DYSF: variants seen among roughly 807,000 people sequenced by gnomAD.
DYSF encodes dystrophy-associated fer-1-like 1.
In DYSF, 212 loss-of-function variants were observed where a neutral mutation model predicts 274.9. The observed-to-expected ratio is 0.77, with a 90% CI of 0.69 to 0.86. The LOEUF is 0.86. DYSF is among the 40% of genes least tolerant of loss of function. The pLI is 0.00. For synonymous variants in DYSF, 1,091 were observed against 1,078.7 expected (o/e 1.01, Z -0.22); for missense variants, 2,666 against 2,783.2 (o/e 0.96, Z 0.95).
intron 17 of DYSF, among the ~76,000 whole-genome samples, chr2:71,546,405 C>A (rs1453742912): frequency 1.3e-5 from 2 of 152,218 alleles, no homozygotes; most frequent in Admixed American, 6.5e-5. Flanking sequence ...GTTCAACTAG[C>A]AGTTTTTGTT....
intron 38 of DYSF, among the ~76,000 whole-genome samples, chr2:71,612,002 G>C (rs2093774071): frequency 6.6e-6 from 1 of 152,226 alleles, no homozygotes; most frequent in East Asian, 1.9e-4. Flanking sequence ...CCCAGCCTGG[G>C]CCCCCTCAAA....
intron 47 of DYSF, among the ~76,000 whole-genome samples, chr2:71,665,703 A>G (rs921972949): frequency 3.3e-5 from 5 of 152,140 alleles, no homozygotes; most frequent in African/African-American, 1.2e-4. Context: ...TTCTACTTGA[A>G]TTGCACCAGC....
chr2:71,493,851 C>CAAAAAAAAAAAAAAAAAAAAAA (rs145288384), intron 3 of DYSF, among the ~76,000 whole-genome samples: 32 of 69,208 alleles, frequency 4.6e-4, no homozygotes, highest in Non-Finnish European at 6.7e-4. Flanking sequence ...TACTCTGTCT[C>CAAAAAAAAAAAAAAAAAAAAAA]AAAAAAAAAA....
At position 71,552,999 on chromosome 2, in the gene DYSF, C is replaced by A; in HGVS notation, c.1807-12C>A. On this transcript the variant is annotated splice_polypyrimidine_tract_variant and intron_variant, in intron 19 of 55. Coordinates refer to ENST00000410020, the MANE Select transcript of DYSF (RefSeq NM_001130987.2). Reference sequence around the variant, plus strand: ...TCCTCCCGTGACCCTCTGGTCTACTCTCTGCTCTCAGAAGTACCTTAGGAG... The same window carrying A: ...TCCTCCCGTGACCCTCTGGTCTACTATCTGCTCTCAGAAGTACCTTAGGAG... 1 of 1,614,142 alleles carries A rather than the reference C, an allele frequency of 6.2e-7. No individual in the cohort carries two copies. Among genetic ancestry groups the A allele is most frequent in the South Asian group, 1.1e-5 (1 of 91,076 alleles).
At chr2:71,587,624 A>G (rs1463760420) in intron 30 of DYSF, among the ~76,000 whole-genome samples, 1 of 152,222 alleles carries the variant, frequency 6.6e-6, no homozygotes, top group Admixed American at 6.5e-5. Flanking sequence ...TAATCAAAGC[A>G]ACTCTCTAAA....
At chr2:71,620,708 G>T (rs187581958) in intron 41 of DYSF, 99 bp downstream of exon 41, 41 of 1,273,262 alleles carry the variant, frequency 3.2e-5, no homozygotes, top group Middle Eastern at 1.9e-4. Context: ...TGGGAGGGAA[G>T]AAAGGAGGTA....
intron 41 of DYSF, among the ~76,000 whole-genome samples, chr2:71,623,933 G>A (rs572909163): frequency 1.3e-4 from 20 of 152,246 alleles, no homozygotes; most frequent in African/African-American, 4.6e-4. Flanking sequence ...GCCAGGTGTG[G>A]TGGCACATGC....
intron 41 of DYSF, 124 bp from the exon 42 acceptor site, chr2:71,643,841 A>C: frequency 2.6e-6 from 2 of 759,712 alleles, no homozygotes; most frequent in Non-Finnish European, 4.7e-6. Flanking sequence ...GCTCCCCCAC[A>C]TCACCCTTAG....
intron 24 of DYSF, 56 bp downstream of exon 24, chr2:71,564,269 CT>C: frequency 6.2e-7 from 1 of 1,605,912 alleles, no homozygotes; most frequent in Non-Finnish European, 8.5e-7. Flanking sequence ...TAAGGCCTTT[CT>C]CCCATCTCTT....
intron 24 of DYSF, among the ~76,000 whole-genome samples, chr2:71,564,983 C>T (rs527654381): frequency 1.7e-4 from 26 of 152,152 alleles, no homozygotes; most frequent in Non-Finnish European, 3.2e-4. Context: ...CCTCCCTGCA[C>T]GATGGCTGCC....
intron 32 of DYSF, among the ~76,000 whole-genome samples, chr2:71,592,079 C>T (rs753408246): frequency 6.6e-6 from 1 of 152,244 alleles, no homozygotes; most frequent in Admixed American, 6.5e-5. Context: ...AGCCTTGCTT[C>T]CTCTCCCTTC....
rs750549913 is a variant in DYSF at position 71,561,917 on chromosome 2, CCTGCGT to C, written c.2389_2394del (p.Leu797_Arg798del). On this transcript the variant is annotated inframe_deletion, in exon 23 of 56. Coordinates refer to ENST00000410020, the MANE Select transcript of DYSF (RefSeq NM_001130987.2). ...CTCTGGAGCAGGCGGAGGACTGGCT[CCTGCGT>C]CTGCGTGCCCTGGCAGAGGAGGTAA... 1.2e-6 allele frequency: 2 copies of C among 1,614,112 alleles called. No individual in the cohort carries two copies. The highest frequency in any genetic ancestry group is 1.7e-6 in the Non-Finnish European group (2 of 1,180,000).
At chr2:71,589,710 A>G (rs878942879) in intron 31 of DYSF, 24 bp downstream of exon 31, 44 of 1,590,204 alleles carry the variant, frequency 2.8e-5, no homozygotes, top group Non-Finnish European at 3.7e-5. Context: ...CGAGGCCTCT[A>G]TGGGGTGATA....
At chr2:71,567,831 T>G (rs982790883) in intron 24 of DYSF, 120 bp from the exon 25 acceptor site, 61 of 1,435,392 alleles carry the variant, frequency 4.2e-5, no homozygotes, top group Non-Finnish European at 5.7e-5. Flanking sequence ...CAGGGGACAC[T>G]CCCAGTGAGG....
At chr2:71,646,609 T>C (rs2094571168) in intron 42 of DYSF, among the ~76,000 whole-genome samples, 1 of 152,094 alleles carries the variant, frequency 6.6e-6, no homozygotes, top group Non-Finnish European at 1.5e-5. Context: ...TAGAAATCAC[T>C]AGCATAGGGG....
rs1323964261 is a variant in DYSF, at chr2:71,601,515, TTCC to T, written c.3916_3918del (p.Pro1306del). 1 of 1,614,062 alleles carries T rather than the reference TTCC, an allele frequency of 6.2e-7. No homozygotes were observed. The highest frequency in any genetic ancestry group is 1.3e-5 in the African/African-American group (1 of 74,914). The stretch of plus-strand genomic sequence containing the variant: ...TCACTCCAGCCGGCCATCCACCATA[TTCC>T]TGGTTTTGAGGTAAGTCTTGCTCTG... On this transcript the variant is annotated inframe_deletion, in exon 35 of 56. Transcript: ENST00000410020.
chr2:71,566,707 G>A (rs2092129496), intron 24 of DYSF, among the ~76,000 whole-genome samples: 1 of 152,140 alleles, frequency 6.6e-6, no homozygotes, highest in South Asian at 2.1e-4. Flanking sequence ...GAGGGTAAAG[G>A]CAGTTAACCA....
At chr2:71,610,097 A>G (rs1488870930) in intron 36 of DYSF, among the ~76,000 whole-genome samples, 1 of 152,218 alleles carries the variant, frequency 6.6e-6, no homozygotes, top group Non-Finnish European at 1.5e-5. Context: ...CACAGACACC[A>G]TATACTTGTA....
chr2:71,656,326 C>G, intron 43 of DYSF, 36 bp downstream of exon 43: 1 of 1,612,300 alleles, frequency 6.2e-7, no homozygotes, highest in Non-Finnish European at 8.5e-7. Flanking sequence ...CCAGGTGGGC[C>G]TAAGACTGTG....
Sources: gnomAD v4.1 joint callset for allele counts (sites outside exome capture counted in the v4.1 genomes callset) on GRCh38, gnomAD v4.1.1 for gene constraint, MANE v1.5 for transcripts, NCBI Gene and HGNC (gene_info 2026-07-23, HGNC 2026-07-21) for gene names.